The following TMEM213 variants were observed in gnomAD, a reference collection of about 807,000 sequenced individuals.
TMEM213 encodes transmembrane protein 213.
A neutral mutation model predicts 11.6 loss-of-function variants in TMEM213; 7 were observed. That is an observed-to-expected ratio of 0.60 (90% CI 0.34 to 1.13). The LOEUF is 1.13. Among genes scored for constraint, TMEM213 ranks in the 50% most tolerant of loss-of-function variants. TMEM213 has a pLI of 0.03. For missense variants in TMEM213, 129 were observed against 139.0 expected (o/e 0.93, Z 0.36); for synonymous variants, 60 against 58.3 (o/e 1.03, Z -0.13).
chr7:138,798,112 G>T lies in TMEM213; in HGVS notation c.8G>T (p.Arg3Leu), dbSNP rs138299222. The T allele has an allele frequency of 6.3e-7, 1 of 1,598,034 alleles. No homozygotes were observed. The highest frequency in any genetic ancestry group is 1.7e-5 in the Admixed American group (1 of 57,412). The change falls in exon 1 of 3, where the codon CGC (arginine) becomes CTC (leucine). Residue 3 changes from arginine to leucine, a missense_variant. Physicochemically the swap from Arg to Leu is moderately radical, Grantham distance 102. Coordinates refer to ENST00000442682, the MANE Select transcript of TMEM213 (RefSeq NM_001085429.2). Reference sequence around the variant, plus strand: ...CTCAGCACAGCCTCCAGCATGCAGCGCCTCCCCGCTGCCACCCGGGCCACC... The same window carrying T: ...CTCAGCACAGCCTCCAGCATGCAGCTCCTCCCCGCTGCCACCCGGGCCACC... MQRLPAATRATLI... is the reference protein window; with the variant it reads MQLLPAATRATLI...
At chr7:138,798,900 A>G (rs1808826949) in intron 1 of TMEM213, among the ~76,000 whole-genome samples, 1 of 150,778 alleles carries the variant, frequency 6.6e-6, no homozygotes, top group Admixed American at 6.6e-5. Flanking sequence ...ACACCACCAC[A>G]CTCTCTATGC....
intron 2 of TMEM213, among the ~76,000 whole-genome samples, chr7:138,802,239 A>G (rs1808970511): frequency 6.6e-6 from 1 of 151,868 alleles, no homozygotes; most frequent in Non-Finnish European, 1.5e-5. Flanking sequence ...GACCGAATGC[A>G]TTAACTTAGG....
chr7:138,799,733 C>T (rs1454647698), intron 1 of TMEM213, among the ~76,000 whole-genome samples: 1 of 152,072 alleles, frequency 6.6e-6, no homozygotes, highest in African/African-American at 2.4e-5. Flanking sequence ...TCAGTTTCTC[C>T]AAAACAAATA....
Position 138,801,811 on chromosome 7 carries a change from C to A in TMEM213, c.154+413C>A, listed in dbSNP as rs193087359. ...ACGTTTTTCCTCTTCTTGCCTACTT[C>A]TAGCCACAAGGCGCTCAGTAATTCA... On this transcript the variant is annotated intron_variant, in intron 2 of 2. Transcript: ENST00000442682. The A allele has an allele frequency of 7.8e-5, 15 of 192,670 alleles. No individual in the cohort carries two copies. In the East Asian group the frequency reaches 1.9e-3, roughly 24 times the overall value. 11.9% of individuals were successfully genotyped at this position (192,670 alleles called of 1,614,324 possible).
At chr7:138,798,965 C>A (rs1028415590) in intron 1 of TMEM213, among the ~76,000 whole-genome samples, 2 of 152,104 alleles carry the variant, frequency 1.3e-5, no homozygotes, top group African/African-American at 2.4e-5. Context: ...CTGTGTCTGC[C>A]CCTCTCATCC....
Position 138,800,436 on chromosome 7 carries a change from CT to C in TMEM213, c.83-886del, listed in dbSNP as rs1260958311. On this transcript the variant is annotated intron_variant, in intron 1 of 2. Coordinates refer to ENST00000442682, the MANE Select transcript of TMEM213 (RefSeq NM_001085429.2). ...GACTTTAACAATTCATGCTAAAGTC[CT>C]TTTTATCTTTCCACTCCTTGCTCAT... 4.6e-5 allele frequency among the ~76,000 whole-genome samples: 7 copies of C among 152,226 alleles called. No homozygotes were observed. In the East Asian group the frequency reaches 1.4e-3, roughly 29 times the overall value.
In TMEM213 at chr7:138,806,596, G is replaced by T. The variant is rs889489072; in HGVS notation, c.*3527G>T. The stretch of plus-strand genomic sequence containing the variant: ...GGATCTAATAACTTCCTAACTTAAA[G>T]CAACAGAACTTACCTAACTTTTGGA... On this transcript the variant is annotated 3_prime_UTR_variant, in exon 3 of 3. Transcript: ENST00000442682. 2 of 152,182 alleles carry T rather than the reference G, an allele frequency of 1.3e-5. No individual in the cohort carries two copies. Among genetic ancestry groups the T allele is most frequent in the African/African-American group, 4.8e-5 (2 of 41,430 alleles). The allele number at this position is 152,182 out of a possible 1,614,324, so 9.4% of individuals were successfully genotyped here. A position where few individuals can be genotyped will look rare whatever the true frequency, so the allele number is the denominator to read the frequency against.
At chr7:138,799,480 A>T (rs1808857341) in intron 1 of TMEM213, 1 of 152,158 alleles carries the variant, frequency 6.6e-6, no homozygotes, top group Non-Finnish European at 1.5e-5. Context: ...CGATGTTTAA[A>T]TTCTTAGGAA....
chr7:138,800,567 A>C (rs1808901115), intron 1 of TMEM213, among the ~76,000 whole-genome samples: 1 of 152,080 alleles, frequency 6.6e-6, no homozygotes, highest in Non-Finnish European at 1.5e-5. Flanking sequence ...TCCAAGATCA[A>C]GGTGTTGATG....
At chr7:138,799,821 C>G (rs1248499924) in intron 1 of TMEM213, among the ~76,000 whole-genome samples, 2 of 152,182 alleles carry the variant, frequency 1.3e-5, no homozygotes, top group African/African-American at 4.8e-5. Flanking sequence ...ATACTTTAAG[C>G]AGGACATTGG....
chr7:138,798,442 C>T (rs1272191928), intron 1 of TMEM213: 2 of 540,450 alleles, frequency 3.7e-6, no homozygotes, highest in South Asian at 2.1e-5. Context: ...GGAGCAGCCA[C>T]CTCTCTTGGC....
At chr7:138,800,043 C>G (rs1421081994) in intron 1 of TMEM213, among the ~76,000 whole-genome samples, 1 of 151,748 alleles carries the variant, frequency 6.6e-6, no homozygotes, top group African/African-American at 2.4e-5. Context: ...GAACGAACAG[C>G]AATATAATTT....
Position 138,806,247 on chromosome 7 carries a change from C to A in TMEM213, c.*3178C>A, listed in dbSNP as rs992382991. 1.2e-4 allele frequency: 19 copies of A among 152,326 alleles called. No homozygotes were observed. The highest frequency in any genetic ancestry group is 3.6e-4 in the African/African-American group (15 of 41,556). The allele number at this position is 152,326 out of a possible 1,614,324, so 9.4% of individuals were successfully genotyped here. Reference sequence around the variant, plus strand: ...AATCTGGGCTGGATGTGGTGGCTCACTCCTGTAATTCCAGCACTTCGGGAG... The same window carrying A: ...AATCTGGGCTGGATGTGGTGGCTCAATCCTGTAATTCCAGCACTTCGGGAG... On this transcript the variant is annotated 3_prime_UTR_variant, in exon 3 of 3. Coordinates refer to ENST00000442682, the MANE Select transcript of TMEM213 (RefSeq NM_001085429.2).
In TMEM213 at chr7:138,803,092, T is replaced by C. The variant is rs780329311; in HGVS notation, c.*23T>C. 35 of 1,607,588 alleles carry C rather than the reference T, an allele frequency of 2.2e-5. No homozygotes were observed. The highest frequency in any genetic ancestry group is 2.9e-5 in the Non-Finnish European group (34 of 1,178,186). ...TGAGACCCAGGCTCGGTGCACAAAA[T>C]GGTGATCGCCACCAATTTGTGGCTA... On this transcript the variant is annotated 3_prime_UTR_variant, in exon 3 of 3. Transcript: ENST00000442682.
Position 138,798,172 on chromosome 7 carries a change from C to G in TMEM213, c.68C>G (p.Ser23Trp). The G allele has an allele frequency of 6.3e-7, 1 of 1,594,696 alleles. No homozygotes were observed. Among genetic ancestry groups the G allele is most frequent in the Non-Finnish European group, 8.5e-7 (1 of 1,171,144 alleles). The change falls in exon 1 of 3, where the codon TCG becomes TGG. Residue 23 changes from serine (S) to tryptophan (W), a missense_variant. Ser to Trp is a radical substitution (Grantham distance 177, BLOSUM62 -3). Transcript: ENST00000442682. Reference sequence around the variant, plus strand: ...AGCCTGGCCTTTGCCTCCCTCCACTCGGCTTGCTCGGCAGGTAGCGTTATG... The same window carrying G: ...AGCCTGGCCTTTGCCTCCCTCCACTGGGCTTGCTCGGCAGGTAGCGTTATG... ...ILSLAFASLH[S>W]ACSAEASSSN...
rs1353872437 is a variant in TMEM213, at chr7:138,805,728, A to T, written c.*2659A>T. ...TACACGTGGAAAATAGAAGAATTGG[A>T]CCAAATCAGCAGTTTCAAGCTGAGT... On this transcript the variant is annotated 3_prime_UTR_variant, in exon 3 of 3. Transcript: ENST00000442682. 6.6e-6 allele frequency: 1 copy of T among 152,242 alleles called. No individual in the cohort carries two copies. Among genetic ancestry groups the T allele is most frequent in the African/African-American group, 2.4e-5 (1 of 41,468 alleles). The allele number at this position is 152,242 out of a possible 1,614,324, so 9.4% of individuals were successfully genotyped here.
chr7:138,798,404 T>G, intron 1 of TMEM213: 2 of 563,130 alleles, frequency 3.6e-6, no homozygotes, highest in South Asian at 2.0e-5. Context: ...GAGACGGAGA[T>G]CAGATACTCA....
At chr7:138,801,507 G>A in intron 2 of TMEM213, 109 bp downstream of exon 2, 1 of 1,065,872 alleles carries the variant, frequency 9.4e-7, no homozygotes, top group South Asian at 1.4e-5. Context: ...GCAAGGGCCT[G>A]CCTGGCCTTC....
At chr7:138,801,273 G>A in intron 1 of TMEM213, 54 bp from the exon 2 acceptor site, 1 of 1,468,310 alleles carries the variant, frequency 6.8e-7, no homozygotes, top group Non-Finnish European at 9.4e-7. Flanking sequence ...CAAAATCTAT[G>A]CCTGGGAATA....
Sources: allele counts gnomAD v4.1 joint callset (sites outside exome capture counted in the v4.1 genomes callset), GRCh38; gene constraint gnomAD v4.1.1; transcripts MANE v1.5; gene names NCBI Gene and HGNC (gene_info 2026-07-23, HGNC 2026-07-21).